Variants in PYHIN1 observed in about 807,000 individuals in gnomAD.
PYHIN1 encodes pyrin and HIN domain family member 1, also known as pyrin and HIN domain-containing protein 1.
In PYHIN1, 32 loss-of-function variants were observed where a neutral mutation model predicts 43.7. That is an observed-to-expected ratio of 0.73 (90% CI 0.55 to 0.98). The LOEUF is 0.98. PYHIN1 is among the 50% of genes least tolerant of loss of function. The pLI, the probability that PYHIN1 is intolerant of heterozygous loss-of-function variation, is 0.00. For missense variants in PYHIN1, 588 were observed against 589.5 expected (o/e 1.00, Z 0.03); for synonymous variants, 205 against 203.1 (o/e 1.01, Z -0.08).
rs143839195 is a variant in PYHIN1, at chr1:158,937,034, G to A, written c.124G>A (p.Glu42Lys). Residue 42 changes from glutamate to lysine, a missense_variant, in exon 2 of 9, where the codon GAG (glutamate) becomes AAG (lysine). Transcript: ENST00000368140. The stretch of plus-strand genomic sequence containing the variant: ...AAAACTTAATCCAAAAATGAAAGAA[G>A]AGTATGACAAAATTCAGATTGCTGA... ...DLKLNPKMKE[E>K]YDKIQIADLM... 189 of 1,614,052 alleles carry A rather than the reference G, an allele frequency of 1.2e-4. No homozygotes were observed. The African/African-American group carries it at 2.1e-3, about 18-fold the overall frequency.
chr1:158,974,484 T>C (rs548646093), intron 8 of PYHIN1, among the ~76,000 whole-genome samples: 14 of 152,180 alleles, frequency 9.2e-5, no homozygotes, highest in African/African-American at 3.1e-4. Context: ...AGTGTTCCAA[T>C]TGAATCCCAG....
chr1:158,939,417 C>G (rs867309567), intron 4 of PYHIN1, 170 bp downstream of exon 4: 6 of 1,558,468 alleles, frequency 3.8e-6, no homozygotes, highest in Middle Eastern at 1.7e-4. Flanking sequence ...ATTTGATGAA[C>G]TTGACATTAT....
chr1:158,962,176 C>T (rs146329561), intron 7 of PYHIN1, among the ~76,000 whole-genome samples: 127 of 152,242 alleles, frequency 8.3e-4, no homozygotes, highest in African/African-American at 3.0e-3. Flanking sequence ...AAAAAGTGGC[C>T]AGACTGTTTT....
chr1:158,986,695 C>T, the PYHIN1 span, among the ~76,000 whole-genome samples: 5 of 152,194 alleles, frequency 3.3e-5, no homozygotes, highest in Admixed American at 2.0e-4. Context: ...CTATCCAGCC[C>T]TTGCAGCCAA....
At chr1:158,970,020 G>A (rs1650847641) in intron 7 of PYHIN1, among the ~76,000 whole-genome samples, 1 of 151,852 alleles carries the variant, frequency 6.6e-6, no homozygotes, top group Non-Finnish European at 1.5e-5. Context: ...TACTCATCAA[G>A]GGTTCACTCA....
intron 1 of PYHIN1, 22 bp from the exon 2 acceptor site, chr1:158,936,869 A>T: frequency 6.7e-7 from 1 of 1,492,442 alleles, no homozygotes; most frequent in Non-Finnish European, 9.0e-7. Context: ...GTGTAACACT[A>T]TATACCATTT....
chr1:158,979,387 G>C (rs936754601), downstream of PYHIN1, among the ~76,000 whole-genome samples: 24 of 152,050 alleles, frequency 1.6e-4, no homozygotes, highest in African/African-American at 5.8e-4. Flanking sequence ...TACATAAGTG[G>C]ACTCATGCAG....
intron 2 of PYHIN1, 68 bp downstream of exon 2, chr1:158,937,243 C>T (rs1029511312): frequency 6.8e-7 from 1 of 1,475,068 alleles, no homozygotes; most frequent in Non-Finnish European, 9.0e-7. Flanking sequence ...GATTAGAACG[C>T]CACCTTGGTC....
At position 158,942,045 on chromosome 1, in the gene PYHIN1, C is replaced by G. The variant is rs138017536; in HGVS notation, c.648C>G (p.Ile216Met). 4 of 1,612,734 alleles carry G rather than the reference C, an allele frequency of 2.5e-6. No individual in the cohort carries two copies. The highest frequency in any genetic ancestry group is 2.5e-6 in the Non-Finnish European group (3 of 1,179,604). ...ATATTTTCCGAGAAGACCCAATAAT[C>G]GCGATGGTACTAAATGCAACAAAAG... ...SKNIFREDPIIAMVLNATKVF... is the reference protein window; with the variant it reads ...SKNIFREDPIMAMVLNATKVF... Residue 216 changes from isoleucine (I) to methionine (M), a missense_variant, in exon 5 of 9, where the codon ATC becomes ATG. Ile to Met is a conservative substitution (Grantham distance 10). Transcript: ENST00000368140.
chr1:158,976,354 C>T (rs939712539), intron 8 of PYHIN1, among the ~76,000 whole-genome samples: 2 of 152,046 alleles, frequency 1.3e-5, no homozygotes, highest in African/African-American at 4.8e-5. Context: ...ACATTTTGTA[C>T]GCTCCTCCTA....
chr1:158,939,957 C>T (rs1196748601), intron 4 of PYHIN1: 2 of 161,800 alleles, frequency 1.2e-5, no homozygotes, highest in Non-Finnish European at 2.7e-5. Context: ...AACCCAGTGG[C>T]TCACGCCTGT....
intron 7 of PYHIN1, among the ~76,000 whole-genome samples, chr1:158,966,500 A>C (rs752673141): frequency 6.6e-6 from 1 of 152,172 alleles, no homozygotes; most frequent in Non-Finnish European, 1.5e-5. Flanking sequence ...AAAATCTAGC[A>C]GTACTTCAAA....
In PYHIN1 at chr1:158,933,884, C is replaced by T. The variant is rs1229197913; in HGVS notation, c.-21+2108C>T. Reference sequence around the variant, plus strand: ...TTTTCATTCTTACTTGTCTTTTGGCCTGCAGCTTTTTAAAATTTTTTTTTA... The same window carrying T: ...TTTTCATTCTTACTTGTCTTTTGGCTTGCAGCTTTTTAAAATTTTTTTTTA... On this transcript the variant is annotated intron_variant, in intron 1 of 8. Transcript: ENST00000368140. This position sits in a 1 kb window ranked among gnomAD's most constrained non-coding sequence, Gnocchi z 6.3. 6.6e-6 allele frequency among the ~76,000 whole-genome samples: 1 copy of T among 151,968 alleles called. No homozygotes were observed. The highest frequency in any genetic ancestry group is 1.5e-5 in the Non-Finnish European group (1 of 67,980).
intron 5 of PYHIN1, among the ~76,000 whole-genome samples, chr1:158,943,054 G>C (rs375576844): frequency 2.6e-5 from 4 of 152,214 alleles, no homozygotes; most frequent in African/African-American, 9.6e-5. Context: ...CAAAATTCAC[G>C]AAACTAGTTA....
chr1:158,987,221 A>T, the PYHIN1 span, among the ~76,000 whole-genome samples: 1 of 152,134 alleles, frequency 6.6e-6, no homozygotes, highest in Non-Finnish European at 1.5e-5. Flanking sequence ...CCTCATCAAC[A>T]CTTGTTATTA....
intron 7 of PYHIN1, among the ~76,000 whole-genome samples, chr1:158,956,457 A>G (rs1184361027): frequency 6.6e-6 from 1 of 151,836 alleles, no homozygotes; most frequent in African/African-American, 2.4e-5. Context: ...ATATATGCAA[A>G]TCAATAAATG....
chr1:158,956,391 A>G (rs1237068600), intron 7 of PYHIN1, among the ~76,000 whole-genome samples: 1 of 152,174 alleles, frequency 6.6e-6, no homozygotes, highest in African/African-American at 2.4e-5. Flanking sequence ...AGCACATCAA[A>G]AAGCTTATCC....
chr1:158,955,188 A>T (rs1187967513), intron 7 of PYHIN1, among the ~76,000 whole-genome samples: 1 of 152,196 alleles, frequency 6.6e-6, no homozygotes, highest in Non-Finnish European at 1.5e-5. Context: ...CATTAGACAG[A>T]TCAATGAGAC....
chr1:158,974,351 T>G (rs1651122063), intron 8 of PYHIN1, among the ~76,000 whole-genome samples: 1 of 152,106 alleles, frequency 6.6e-6, no homozygotes, highest in Non-Finnish European at 1.5e-5. Flanking sequence ...TTTATTTTAT[T>G]TAGAACATTT....
Sources: gnomAD v4.1 joint callset for allele counts (sites outside exome capture counted in the v4.1 genomes callset) on GRCh38, gnomAD v4.1.1 for gene constraint, Gnocchi (gnomAD v3.1) non-coding constraint, MANE v1.5 for transcripts, NCBI Gene and HGNC (gene_info 2026-07-23, HGNC 2026-07-21) for gene names.